REV3L: variants seen among roughly 807,000 people sequenced by gnomAD.
The protein encoded by REV3L is REV3 like, DNA directed polymerase zeta catalytic subunit, also known as DNA polymerase zeta catalytic subunit.
A neutral mutation model predicts 299.4 loss-of-function variants in REV3L; 69 were observed. The ratio of observed to expected loss-of-function variants is 0.23; its 90% CI spans 0.19 to 0.28. The LOEUF is 0.28. REV3L is among the 10% of genes least tolerant of loss of function. REV3L has a pLI of 1.00. For synonymous variants in REV3L, 1,238 were observed against 1,271.4 expected (o/e 0.97, Z 0.56); for missense variants, 3,128 against 3,693.8 (o/e 0.85, Z 3.97).
At chr6:111,404,464 T>A (rs1783417821) in intron 4 of REV3L, among the ~76,000 whole-genome samples, 1 of 152,130 alleles carries the variant, frequency 6.6e-6, no homozygotes, top group African/African-American at 2.4e-5. Flanking sequence ...GGTCAAAGAG[T>A]AATTTCAACT....
chr6:111,307,642 C>A (rs1007824212), intron 30 of REV3L, 72 bp from the exon 31 acceptor site: 6 of 1,347,146 alleles, frequency 4.5e-6, no homozygotes, highest in Non-Finnish European at 6.3e-6. Flanking sequence ...ATGCTAATTA[C>A]AGGTTTACTC....
rs560623729 is a variant in REV3L, at chr6:111,369,993, C to T, written c.5760-1965G>A. On this transcript the variant is annotated intron_variant, in intron 13 of 31. Transcript: ENST00000368802. The stretch of plus-strand genomic sequence containing the variant: ...GATTACAGACTCATGCCACCATGCC[C>T]AGCTAATTTTTGTATTTTTAGTAGA... Among the ~76,000 whole-genome samples, 4 of 152,054 alleles carry T rather than the reference C, an allele frequency of 2.6e-5. No homozygotes were observed. The East Asian group carries it at 7.7e-4, about 29-fold the overall frequency.
At chr6:111,311,809 ATT>A (rs34291181) in intron 28 of REV3L, 87 of 143,262 alleles carry the variant, frequency 6.1e-4, no homozygotes, top group Non-Finnish European at 6.9e-4. Flanking sequence ...TGTAAGATTA[ATT>A]TTTTTTTTTT....
chr6:111,360,606 G>C (rs1778559192), intron 16 of REV3L: 1 of 150,442 alleles, frequency 6.6e-6, no homozygotes, highest in Non-Finnish European at 1.5e-5. Context: ...TTTCCTACTA[G>C]CTGGGACTAT....
At position 111,322,716 on chromosome 6, in the gene REV3L, T is replaced by C. The variant is rs539052789; in HGVS notation, c.8242-38A>G. 253 of 1,444,578 alleles carry C rather than the reference T, an allele frequency of 1.8e-4. 3 individuals carry two copies. The South Asian group carries it at 2.0e-3, about 11-fold the overall frequency. The allele number at this position is 1,444,578 out of a possible 1,614,324, so 89.5% of individuals were successfully genotyped here. A position where few individuals can be genotyped will look rare whatever the true frequency, so the allele number is the denominator to read the frequency against. ...ACACATTGGAAATAATTTCTTAACA[T>C]AGCTCAGTATAAGTTAACAGACTTT... On this transcript the variant is annotated intron_variant, in intron 25 of 31. Transcript: ENST00000368802.
At chr6:111,394,179 T>C (rs1782229581) in intron 4 of REV3L, among the ~76,000 whole-genome samples, 1 of 152,224 alleles carries the variant, frequency 6.6e-6, no homozygotes. Flanking sequence ...CTGTATCATA[T>C]GGTAGTTCTA....
Position 111,373,638 on chromosome 6 carries a change from G to A in REV3L, c.4717C>T (p.Arg1573Trp), listed in dbSNP as rs576113461. 2.4e-5 allele frequency: 38 copies of A among 1,614,036 alleles called. No homozygotes were observed. Among genetic ancestry groups the A allele is most frequent in the African/African-American group, 6.7e-5 (5 of 75,036 alleles). ...CTTGGGGACGTTACCGATCGTGTCC[G>A]TTTATTTGCTTTGTTATGCTCAAGG... Reference protein sequence around the residue: ...GSLEHNKANKRTRSVTSPRKP... With the variant: ...GSLEHNKANKWTRSVTSPRKP... Residue 1573 changes from arginine to tryptophan, a missense_variant, in exon 13 of 32, where the codon CGG becomes TGG. Transcript: ENST00000368802.
intron 1 of REV3L, among the ~76,000 whole-genome samples, chr6:111,451,380 C>G (rs903188103): frequency 6.6e-6 from 1 of 152,160 alleles, no homozygotes; most frequent in African/African-American, 2.4e-5. Context: ...ATTCATAATC[C>G]TCTCAGATCT....
At position 111,347,169 on chromosome 6, in the gene REV3L, T is replaced by G. The variant is rs189378662; in HGVS notation, c.7419+2049A>C. On this transcript the variant is annotated intron_variant, in intron 20 of 31. Coordinates refer to ENST00000368802, the MANE Select transcript of REV3L (RefSeq NM_001372078.1). ...CTGTCATCCTACCTACTCAGGAGGC[T>G]GAGACAGGAGAATTGCTTGAACCCA... Among the ~76,000 whole-genome samples the G allele has an allele frequency of 2.1e-3, 318 of 152,092 alleles. 2 individuals are homozygous for G. Among genetic ancestry groups the G allele is most frequent in the African/African-American group, 6.5e-3 (270 of 41,476 alleles).
chr6:111,322,975 A>C (rs577548143), intron 25 of REV3L, among the ~76,000 whole-genome samples: 1 of 151,844 alleles, frequency 6.6e-6, no homozygotes, highest in South Asian at 2.1e-4. Context: ...TGGAAGAATA[A>C]TCCTTCTTTA....
intron 1 of REV3L, among the ~76,000 whole-genome samples, chr6:111,457,786 T>C (rs928600801): frequency 6.6e-6 from 1 of 151,782 alleles, no homozygotes; most frequent in Non-Finnish European, 1.5e-5. Context: ...ATGAAATACA[T>C]GAAGAGACAA....
At chr6:111,336,563 A>G (rs1775911835) in intron 21 of REV3L, among the ~76,000 whole-genome samples, 1 of 152,178 alleles carries the variant, frequency 6.6e-6, no homozygotes, top group Admixed American at 6.5e-5. Context: ...ATCCTCATAT[A>G]CTGCTGGTGG....
At chr6:111,455,402 G>T (rs1371507877) in intron 1 of REV3L, among the ~76,000 whole-genome samples, 1 of 152,300 alleles carries the variant, frequency 6.6e-6, no homozygotes, top group African/African-American at 2.4e-5. Context: ...AGAGCAAGCA[G>T]TTCAGACTGA....
rs756512986 is a variant in REV3L, at chr6:111,367,195, C to T, written c.6593G>A (p.Cys2198Tyr). 6.2e-7 allele frequency: 1 copy of T among 1,613,914 alleles called. No homozygotes were observed. The change falls in exon 14 of 32, where the codon TGC (cysteine) becomes TAC (tyrosine). Residue 2198 changes from cysteine (C) to tyrosine (Y), a missense_variant. By Grantham distance (194) the Cys-to-Tyr change is radical. Around this residue, in one of 9 missense-constraint regions of REV3L, gnomAD observed 2,409 missense variants for 2,611.8 expected, o/e 0.92. Transcript: ENST00000368802. Reference protein sequence around the residue: ...RARTGKCESLCFHSTPIIQRK... With the variant: ...RARTGKCESLYFHSTPIIQRK... ...CTGTATGATTGGTGTACTATGAAAGCAAAGTGATTCACATTTCCCAGTTCT... is the reference window on the plus strand; with the variant it reads ...CTGTATGATTGGTGTACTATGAAAGTAAAGTGATTCACATTTCCCAGTTCT...
intron 1 of REV3L, among the ~76,000 whole-genome samples, chr6:111,462,467 T>A (rs1409982186): frequency 6.6e-6 from 1 of 151,878 alleles, no homozygotes; most frequent in Non-Finnish European, 1.5e-5. Flanking sequence ...AAAAAACTGA[T>A]AGAACTGGAA....
intron 31 of REV3L, among the ~76,000 whole-genome samples, chr6:111,304,895 C>T (rs1295945243): frequency 6.6e-6 from 1 of 151,502 alleles, no homozygotes; most frequent in Non-Finnish European, 1.5e-5. Context: ...GATAATAGCC[C>T]CAGCTGCATC....
At chr6:111,395,209 T>C (rs1582830163) in intron 4 of REV3L, among the ~76,000 whole-genome samples, 1 of 152,324 alleles carries the variant, frequency 6.6e-6, no homozygotes, top group East Asian at 1.9e-4. Context: ...TAGTTCCACA[T>C]GAAGTTTAGA....
intron 1 of REV3L, among the ~76,000 whole-genome samples, chr6:111,443,305 G>A (rs552030440): frequency 1.2e-3 from 175 of 151,732 alleles, no homozygotes; most frequent in African/African-American, 3.8e-3. Context: ...CCGCCACCTC[G>A]CCCAGCTAAT....
At chr6:111,422,144 T>C (rs1014886419) in intron 1 of REV3L, among the ~76,000 whole-genome samples, 8 of 152,006 alleles carry the variant, frequency 5.3e-5, no homozygotes, top group African/African-American at 1.9e-4. Flanking sequence ...TGACTAACAA[T>C]AGTGAAAAAA....
Sources: gnomAD v4.1 joint callset for allele counts (sites outside exome capture counted in the v4.1 genomes callset) on GRCh38, gnomAD v4.1.1 for gene constraint, gnomAD v4.1.1 regional missense constraint, MANE v1.5 for transcripts, NCBI Gene and HGNC (gene_info 2026-07-23, HGNC 2026-07-21) for gene names.